Variants in AGPAT3 observed in about 807,000 individuals in gnomAD.
The protein encoded by AGPAT3 is 1-acyl-sn-glycerol-3-phosphate acyltransferase gamma.
Under a neutral mutation model 47.3 loss-of-function variants are expected in AGPAT3, and 5 were observed. That is an observed-to-expected ratio of 0.11 (90% confidence interval 0.06 to 0.22). The LOEUF is 0.22. Ranked by LOEUF, AGPAT3 falls within the 10% of genes least tolerant of loss-of-function variation. The probability of loss-of-function intolerance (pLI) is 1.00; values close to 1 mark genes in which losing one functional copy is unlikely to be tolerated. For synonymous variants in AGPAT3, 212 were observed against 208.3 expected (o/e 1.02, Z -0.15); for missense variants, 315 against 493.0 (o/e 0.64, Z 3.42).
Position 43,939,936 on chromosome 21 carries a change from G to C in AGPAT3, c.-48-19698G>C, listed in dbSNP as rs2087600109. ...GATTAGCCGGTGCCCCGACGGCAGA[G>C]CCCGCAGCTGTGCGCAGGAGGACGA... On this transcript the variant is annotated intron_variant, in intron 2 of 9. Coordinates refer to ENST00000291572, the MANE Select transcript of AGPAT3 (RefSeq NM_020132.5). This position sits in a 1 kb window ranked among gnomAD's most constrained non-coding sequence, Gnocchi z 4.4. 6.6e-6 allele frequency among the ~76,000 whole-genome samples: 1 copy of C among 152,238 alleles called. No homozygotes were observed. Among genetic ancestry groups the C allele is most frequent in the African/African-American group, 2.4e-5 (1 of 41,464 alleles).
intron 1 of AGPAT3, among the ~76,000 whole-genome samples, chr21:43,878,068 C>T (rs1349276253): frequency 2.6e-5 from 4 of 152,164 alleles, no homozygotes; most frequent in Non-Finnish European, 5.9e-5. Context: ...AAGAGGCAGC[C>T]TTTCAGTGGC....
chr21:43,887,884 G>A (rs997990190), intron 1 of AGPAT3, among the ~76,000 whole-genome samples: 1 of 152,060 alleles, frequency 6.6e-6, no homozygotes, highest in Non-Finnish European at 1.5e-5. Context: ...AAACTCCTGA[G>A]CTCAAGTGAA....
chr21:43,865,274 C>A lies in AGPAT3; in HGVS notation c.-183C>A, dbSNP rs1434767550. On this transcript the variant is annotated 5_prime_UTR_variant, in exon 1 of 10. Coordinates refer to ENST00000291572, the MANE Select transcript of AGPAT3 (RefSeq NM_020132.5). ...GGGCCGGGCCCAGGGCCGAGGAGCGCGGCGGCCAGAGCGGGGCCGCGGAGG... is the reference window on the plus strand; with the variant it reads ...GGGCCGGGCCCAGGGCCGAGGAGCGAGGCGGCCAGAGCGGGGCCGCGGAGG... The A allele has an allele frequency of 6.8e-6, 1 of 146,950 alleles. No homozygotes were observed. Among genetic ancestry groups the A allele is most frequent in the Non-Finnish European group, 1.5e-5 (1 of 65,850 alleles). 9.1% of individuals were successfully genotyped at this position (146,950 alleles called of 1,614,324 possible).
rs529596522 is a variant in AGPAT3 at position 43,985,196 on chromosome 21, AG to A, written c.*2806del. 2.5e-4 allele frequency: 115 copies of A among 456,218 alleles called. No homozygotes were observed. Among genetic ancestry groups the A allele is most frequent in the African/African-American group, 2.2e-3 (108 of 50,166 alleles). 28.3% of individuals were successfully genotyped at this position (456,218 alleles called of 1,614,324 possible). Reference sequence around the variant, plus strand: ...ATGGGGTCTCCTGCCCATCTTCCCAAGGATGCCATTGCTGTCTTCATCGTCT... The same window carrying A: ...ATGGGGTCTCCTGCCCATCTTCCCAAGATGCCATTGCTGTCTTCATCGTCT... On this transcript the variant is annotated 3_prime_UTR_variant, in exon 10 of 10. Transcript: ENST00000291572.
At chr21:43,945,962 G>T (rs1221281671) in intron 2 of AGPAT3, among the ~76,000 whole-genome samples, 1 of 152,058 alleles carries the variant, frequency 6.6e-6, no homozygotes, top group Non-Finnish European at 1.5e-5. Flanking sequence ...GCAGGAGGGT[G>T]GTGGGCCCTC....
chr21:43,954,429 G>GC lies in AGPAT3; in HGVS notation c.-48-5204dup, dbSNP rs1352631366. On this transcript the variant is annotated intron_variant, in intron 2 of 9. Transcript: ENST00000291572. This position sits in a 1 kb window ranked among gnomAD's most constrained non-coding sequence, Gnocchi z 4.0. ...GTGTTGAGCGCTCTGGTGGGGGCAG[G>GC]CGGGCGGGAGAGGCCCCTGAGTTCC... 1 of 152,372 alleles carries GC rather than the reference G, an allele frequency of 6.6e-6. No homozygotes were observed. Among genetic ancestry groups the GC allele is most frequent in the Admixed American group, 6.5e-5 (1 of 15,286 alleles). The allele number at this position is 152,372 out of a possible 1,614,324, so 9.4% of individuals were successfully genotyped here.
intron 2 of AGPAT3, among the ~76,000 whole-genome samples, chr21:43,928,894 G>A (rs575109355): frequency 2.0e-4 from 31 of 152,290 alleles, no homozygotes; most frequent in African/African-American, 7.0e-4. Context: ...CGGAGTTTGT[G>A]CCTTGGCCCC....
intron 1 of AGPAT3, among the ~76,000 whole-genome samples, chr21:43,877,377 G>T (rs746091532): frequency 6.6e-6 from 1 of 152,132 alleles, no homozygotes; most frequent in African/African-American, 2.4e-5. Flanking sequence ...ATAGTTAAAG[G>T]GCATGTGAGG....
rs1419601468 is a variant in AGPAT3, at chr21:43,908,092, C to G, written c.-49+4073C>G. Among the ~76,000 whole-genome samples the G allele has an allele frequency of 1.3e-5, 2 of 152,180 alleles. No homozygotes were observed. Among genetic ancestry groups the G allele is most frequent in the Non-Finnish European group, 2.9e-5 (2 of 68,030 alleles). On this transcript the variant is annotated intron_variant, in intron 2 of 9. Transcript: ENST00000291572. The surrounding 1 kb of genome is among the most constrained non-coding windows in gnomAD (Gnocchi z 4.9). ...TTTCTCTTTCCGTGTGCTGGAAGAC[C>G]TGAATGCTTCAGAGCCTAAATTATG...
intron 3 of AGPAT3, chr21:43,967,674 A>G: frequency 2.4e-6 from 1 of 419,800 alleles, no homozygotes; most frequent in Non-Finnish European, 4.3e-6. Context: ...GGTGCACGTG[A>G]GAAGCGTAAT....
intron 2 of AGPAT3, among the ~76,000 whole-genome samples, chr21:43,946,682 A>G (rs1020393947): frequency 6.6e-6 from 1 of 152,152 alleles, no homozygotes; most frequent in Non-Finnish European, 1.5e-5. Context: ...GTTTCTATAG[A>G]GTAAAAGTAG....
Position 43,865,983 on chromosome 21 carries a change from G to A in AGPAT3, c.-112+638G>A, listed in dbSNP as rs568560825. ...CGCGTTTGCACCGGGCGGGTCAGGG[G>A]ATGGGGTCAGTCCGGGGGCAAGAGC... On this transcript the variant is annotated intron_variant, in intron 1 of 9. Coordinates refer to ENST00000291572, the MANE Select transcript of AGPAT3 (RefSeq NM_020132.5). 2.6e-5 allele frequency among the ~76,000 whole-genome samples: 4 copies of A among 152,270 alleles called. No individual in the cohort carries two copies. The South Asian group carries it at 8.3e-4, about 32-fold the overall frequency.
intron 2 of AGPAT3, among the ~76,000 whole-genome samples, chr21:43,938,754 G>C (rs2087536557): frequency 6.6e-6 from 1 of 152,226 alleles, no homozygotes; most frequent in Non-Finnish European, 1.5e-5. Context: ...AGCGAAAACA[G>C]CAGACATCTA....
intron 2 of AGPAT3, among the ~76,000 whole-genome samples, chr21:43,941,465 T>G (rs1442586163): frequency 4.6e-5 from 7 of 152,210 alleles, no homozygotes. Context: ...GAGGATCCCT[T>G]GAGCTCAGGA....
Position 43,920,555 on chromosome 21 carries a change from G to C in AGPAT3, c.-49+16536G>C, listed in dbSNP as rs1277977477. Among the ~76,000 whole-genome samples, 2 of 152,156 alleles carry C rather than the reference G, an allele frequency of 1.3e-5. No homozygotes were observed. Among genetic ancestry groups the C allele is most frequent in the African/African-American group, 4.8e-5 (2 of 41,426 alleles). On this transcript the variant is annotated intron_variant, in intron 2 of 9. Transcript: ENST00000291572. This position sits in a 1 kb window ranked among gnomAD's most constrained non-coding sequence, Gnocchi z 6.1. ...GCCAGGGCAACTGACCATGTAATTA[G>C]AGGTTGGGACTCCACCCGTGGACCT...
At chr21:43,946,347 C>A (rs2087888050) in intron 2 of AGPAT3, among the ~76,000 whole-genome samples, 1 of 151,922 alleles carries the variant, frequency 6.6e-6, no homozygotes. Context: ...CGCCTATAAT[C>A]CCAGCACTTT....
chr21:43,888,924 G>A (rs2086040507), intron 1 of AGPAT3, among the ~76,000 whole-genome samples: 1 of 152,128 alleles, frequency 6.6e-6, no homozygotes, highest in African/African-American at 2.4e-5. Flanking sequence ...GGAAGGCGGA[G>A]GTTGCAGTGA....
intron 2 of AGPAT3, among the ~76,000 whole-genome samples, chr21:43,958,659 T>C (rs1359806029): frequency 2.0e-5 from 3 of 148,496 alleles, no homozygotes; most frequent in East Asian, 4.0e-4. Context: ...GTGTGGTATA[T>C]GTAGCATGTG....
intron 2 of AGPAT3, among the ~76,000 whole-genome samples, chr21:43,927,984 G>A (rs2087112510): frequency 6.6e-6 from 1 of 152,200 alleles, no homozygotes; most frequent in South Asian, 2.1e-4. Context: ...TGGTGTTGGA[G>A]GAGAACACAC....
Sources: gnomAD v4.1 joint callset for allele counts (sites outside exome capture counted in the v4.1 genomes callset) on GRCh38, gnomAD v4.1.1 for gene constraint, Gnocchi (gnomAD v3.1) non-coding constraint, MANE v1.5 for transcripts, NCBI Gene and HGNC (gene_info 2026-07-23, HGNC 2026-07-21) for gene names.